SNTB2: variants seen among roughly 807,000 people sequenced by gnomAD.
The protein encoded by SNTB2 is beta-2-syntrophin.
In SNTB2, 34 loss-of-function variants were observed where a neutral mutation model predicts 46.2. The ratio of observed to expected loss-of-function variants is 0.74; its 90% CI spans 0.56 to 0.98. The LOEUF is 0.98. Ranked by LOEUF, SNTB2 falls within the 50% of genes least tolerant of loss-of-function variation. SNTB2 has a pLI of 0.00. For missense variants in SNTB2, 603 were observed against 731.4 expected (o/e 0.82, Z 2.02); for synonymous variants, 290 against 312.6 (o/e 0.93, Z 0.76).
At chr16:69,296,977 G>A (rs1965232103) in intron 5 of SNTB2, among the ~76,000 whole-genome samples, 1 of 150,020 alleles carries the variant, frequency 6.7e-6, no homozygotes, top group African/African-American at 2.5e-5. Flanking sequence ...CCTCCAGCCT[G>A]CATGACAGAG....
At chr16:69,246,790 G>A (rs1464219588) in intron 2 of SNTB2, among the ~76,000 whole-genome samples, 1 of 148,696 alleles carries the variant, frequency 6.7e-6, no homozygotes, top group Non-Finnish European at 1.5e-5. Flanking sequence ...TTAGTCTTGG[G>A]AGAGTGTATG....
intron 1 of SNTB2, among the ~76,000 whole-genome samples, chr16:69,244,544 CAAG>C (rs766763853): frequency 1.3e-5 from 2 of 152,142 alleles, no homozygotes; most frequent in Non-Finnish European, 2.9e-5. Flanking sequence ...GTTTTTGAAA[CAAG>C]AACACCATGC....
chr16:69,189,543 T>C (rs1964029009), intron 1 of SNTB2, among the ~76,000 whole-genome samples: 2 of 151,912 alleles, frequency 1.3e-5, no homozygotes, highest in Non-Finnish European at 2.9e-5. Context: ...TCACCTGAGG[T>C]CAGGAGAACA....
intron 5 of SNTB2, among the ~76,000 whole-genome samples, chr16:69,292,354 T>A (rs562629651): frequency 0.022 from 776 of 36,072 alleles, 45 homozygotes; most frequent in African/African-American, 0.054. Context: ...ACCTTATTTT[T>A]TATATATATA....
In SNTB2 at chr16:69,303,126, C is replaced by T. The variant is rs1221133299; in HGVS notation, c.*2202C>T. 2 of 152,152 alleles carry T rather than the reference C, an allele frequency of 1.3e-5. No homozygotes were observed. Among genetic ancestry groups the T allele is most frequent in the Non-Finnish European group, 2.9e-5 (2 of 68,044 alleles). 9.4% of individuals were successfully genotyped at this position (152,152 alleles called of 1,614,324 possible). On this transcript the variant is annotated 3_prime_UTR_variant, in exon 7 of 7. Transcript: ENST00000336278. Reference sequence around the variant, plus strand: ...AAGTGATCCACCTGCCTTGGCCTCCCAAAGTGCTGGGATTATAGGTGTGAG... The same window carrying T: ...AAGTGATCCACCTGCCTTGGCCTCCTAAAGTGCTGGGATTATAGGTGTGAG...
At position 69,284,459 on chromosome 16, in the gene SNTB2, T is replaced by TGAAAA. The variant is rs1567414678; in HGVS notation, c.1345+215_1345+216insGAAAA. 4.4e-5 allele frequency among the ~76,000 whole-genome samples: 2 copies of TGAAAA among 45,908 alleles called. 1 individual carries two copies. Among genetic ancestry groups the TGAAAA allele is most frequent in the Non-Finnish European group, 7.6e-5 (2 of 26,444 alleles). The allele number at this position is 45,908 out of a possible 152,430, so 30.1% of individuals were successfully genotyped here. A position where few individuals can be genotyped will look rare whatever the true frequency, so the allele number is the denominator to read the frequency against. On this transcript the variant is annotated intron_variant, in intron 5 of 6. Coordinates refer to ENST00000336278, the MANE Select transcript of SNTB2 (RefSeq NM_006750.4). ...CAACATGGTGAAACCCCGTCTTTAC[T>TGAAAA]AAAAAAAAAAAAAAAAAAAAAAAAA...
At chr16:69,228,070 T>C (rs780669070) in intron 1 of SNTB2, among the ~76,000 whole-genome samples, 2 of 152,054 alleles carry the variant, frequency 1.3e-5, no homozygotes, top group African/African-American at 2.4e-5. Flanking sequence ...TTTAGTGATA[T>C]AGTACATAAT....
intron 2 of SNTB2, among the ~76,000 whole-genome samples, chr16:69,255,651 C>T (rs1022554055): frequency 5.9e-5 from 9 of 151,802 alleles, no homozygotes; most frequent in South Asian, 2.1e-4. Context: ...GAGGCTGAGG[C>T]GGGTGGATCA....
At chr16:69,215,678 T>C (rs1964339861) in intron 1 of SNTB2, among the ~76,000 whole-genome samples, 1 of 152,226 alleles carries the variant, frequency 6.6e-6, no homozygotes, top group Non-Finnish European at 1.5e-5. Context: ...GACAGGTTCA[T>C]ATATTTAAGA....
Position 69,192,637 on chromosome 16 carries a change from T to C in SNTB2, c.580+4891T>C, listed in dbSNP as rs796903631. 5.3e-5 allele frequency among the ~76,000 whole-genome samples: 8 copies of C among 152,374 alleles called. 1 individual carries two copies. The highest frequency in any genetic ancestry group is 1.9e-4 in the African/African-American group (8 of 41,594). ...GAATTCCTTTGGAGAAATGATGGTA[T>C]GGTCAGTTATGTTTAATATTTTGTG... is the stretch of plus-strand genomic sequence containing the variant. On this transcript the variant is annotated intron_variant, in intron 1 of 6. Transcript: ENST00000336278.
intron 1 of SNTB2, among the ~76,000 whole-genome samples, chr16:69,204,652 A>T (rs1851808340): frequency 6.6e-6 from 1 of 152,210 alleles, no homozygotes; most frequent in Non-Finnish European, 1.5e-5. Context: ...CTCTGGGAAA[A>T]CTAAAACATA....
chr16:69,240,181 C>T (rs1054075258), intron 1 of SNTB2, among the ~76,000 whole-genome samples: 9 of 152,090 alleles, frequency 5.9e-5, no homozygotes, highest in Non-Finnish European at 1.3e-4. Context: ...ATATTTTATT[C>T]ACTGGCTAAT....
intron 1 of SNTB2, among the ~76,000 whole-genome samples, chr16:69,214,525 A>G (rs575210245): frequency 6.7e-6 from 1 of 150,052 alleles, no homozygotes; most frequent in South Asian, 2.1e-4. Flanking sequence ...TTATATGTAC[A>G]TATGTGTGTA....
chr16:69,189,460 CAAAA>C (rs377107714), intron 1 of SNTB2, among the ~76,000 whole-genome samples: 16 of 152,212 alleles, frequency 1.1e-4, no homozygotes, highest in African/African-American at 3.9e-4. Context: ...AAAAAAAACA[CAAAA>C]AACCTTTTGG....
At chr16:69,262,682 C>T (rs1269906348) in intron 3 of SNTB2, among the ~76,000 whole-genome samples, 1 of 151,626 alleles carries the variant, frequency 6.6e-6, no homozygotes, top group African/African-American at 2.4e-5. Context: ...TTGAAATATA[C>T]AATTTTTTTT....
At chr16:69,295,230 A>ATTTTTT (rs1160903028) in intron 5 of SNTB2, among the ~76,000 whole-genome samples, 8 of 81,916 alleles carry the variant, frequency 9.8e-5, no homozygotes, top group East Asian at 3.4e-4. Context: ...AACATACTGA[A>ATTTTTT]TTTTTTTTTT....
chr16:69,262,245 G>A (rs1231990644), intron 3 of SNTB2, among the ~76,000 whole-genome samples: 1 of 151,856 alleles, frequency 6.6e-6, no homozygotes, highest in East Asian at 1.9e-4. Context: ...TTATCCAAAG[G>A]TTCACATCAG....
chr16:69,231,516 G>A (rs952130508), intron 1 of SNTB2, among the ~76,000 whole-genome samples: 1 of 152,202 alleles, frequency 6.6e-6, no homozygotes, highest in Non-Finnish European at 1.5e-5. Context: ...TTGAACCTGG[G>A]AGGCAGAGGT....
At chr16:69,249,523 G>C (rs1461996860) in intron 2 of SNTB2, among the ~76,000 whole-genome samples, 1 of 152,208 alleles carries the variant, frequency 6.6e-6, no homozygotes, top group Non-Finnish European at 1.5e-5. Context: ...TTGAAGTCCA[G>C]TTAACCTTGG....
Sources: allele counts gnomAD v4.1 joint callset (sites outside exome capture counted in the v4.1 genomes callset), GRCh38; gene constraint gnomAD v4.1.1; transcripts MANE v1.5; gene names NCBI Gene and HGNC (gene_info 2026-07-23, HGNC 2026-07-21).